MMP26: variants seen among roughly 807,000 people sequenced by gnomAD.
MMP26 encodes the protein matrix metalloproteinase-26.
A neutral mutation model predicts 31.0 loss-of-function variants in MMP26; 33 were observed. The ratio of observed to expected loss-of-function variants is 1.06; its 90% CI spans 0.81 to 1.42. MMP26 has a LOEUF of 1.42. MMP26 is among the 40% of genes most tolerant of loss of function. MMP26 has a pLI of 0.00. For missense variants in MMP26, 347 were observed against 316.1 expected, an observed-to-expected ratio of 1.10 and a Z score of -0.74; for synonymous variants, 122 against 114.9, an observed-to-expected ratio of 1.06 and a Z score of -0.40.
At chr11:4,942,089 C>CAAAAAAAAAAA (rs201626472) in intron 2 of MMP26, among the ~76,000 whole-genome samples, 5 of 37,122 alleles carry the variant, frequency 1.3e-4, no homozygotes, top group Middle Eastern at 0.012. Flanking sequence ...GAGTCCATCT[C>CAAAAAAAAAAA]AAAAAAAAAA....
At chr11:4,882,536 G>T (rs139706082) in intron 2 of MMP26, 2 of 1,613,812 alleles carry the variant, frequency 1.2e-6, no homozygotes, top group South Asian at 1.1e-5. Flanking sequence ...TGGCACTGAC[G>T]TATTGTTTAT....
In MMP26 at chr11:4,726,739, C is replaced by T. The variant is rs779228430; in HGVS notation, c.-217+21694C>T. On this transcript the variant is annotated intron_variant, in intron 1 of 7. Coordinates refer to ENST00000380390, the MANE Select transcript of MMP26 (RefSeq NM_021801.5). ...TAGGACTTTTTGGCCCAGGGTGGTG[C>T]TTCACGCTTGTAATCCCAGCACTTT... Among the ~76,000 whole-genome samples, 9 of 151,984 alleles carry T rather than the reference C, an allele frequency of 5.9e-5. No individual in the cohort carries two copies. The East Asian group carries it at 1.8e-3, about 30-fold the overall frequency.
chr11:4,975,789 T>C (rs1318901967), intron 2 of MMP26, among the ~76,000 whole-genome samples: 2 of 151,992 alleles, frequency 1.3e-5, no homozygotes, highest in Non-Finnish European at 2.9e-5. Flanking sequence ...TCCCAAATGT[T>C]CTCTAGCGAA....
chr11:4,804,800 A>AAAAC (rs1181631263), intron 2 of MMP26, among the ~76,000 whole-genome samples: 5 of 140,252 alleles, frequency 3.6e-5, no homozygotes, highest in African/African-American at 1.1e-4. Flanking sequence ...CAAAAACAAA[A>AAAAC]CAAAACAAAA....
intron 2 of MMP26, among the ~76,000 whole-genome samples, chr11:4,962,002 T>C (rs1181334250): frequency 2.6e-5 from 4 of 152,198 alleles, no homozygotes; most frequent in Admixed American, 2.0e-4. Context: ...CCTGTTTTTT[T>C]CTGCTGCTTG....
At chr11:4,814,463 A>G (rs987796615) in intron 2 of MMP26, among the ~76,000 whole-genome samples, 7 of 152,322 alleles carry the variant, frequency 4.6e-5, no homozygotes, top group Middle Eastern at 3.4e-3. Context: ...GTAGTGTGGA[A>G]GTATGAAGCG....
intron 2 of MMP26, among the ~76,000 whole-genome samples, chr11:4,927,735 G>C (rs1217902278): frequency 6.6e-6 from 1 of 152,098 alleles, no homozygotes; most frequent in Non-Finnish European, 1.5e-5. Flanking sequence ...TTAGACTCAA[G>C]GTCTTTTTGA....
At chr11:4,729,570 A>T (rs938654449) in intron 1 of MMP26, among the ~76,000 whole-genome samples, 3 of 152,192 alleles carry the variant, frequency 2.0e-5, no homozygotes, top group Non-Finnish European at 4.4e-5. Context: ...TGAGATAGCT[A>T]GCCTGCAAGG....
intron 1 of MMP26, among the ~76,000 whole-genome samples, chr11:4,738,887 G>T (rs1848277111): frequency 6.6e-6 from 1 of 152,014 alleles, no homozygotes; most frequent in Non-Finnish European, 1.5e-5. Context: ...TTTATATAAA[G>T]AAATAATTCT....
At position 4,925,962 on chromosome 11, in the gene MMP26, C is replaced by A. The variant is rs759157181; in HGVS notation, c.-144-62106C>A. 1.2e-4 allele frequency among the ~76,000 whole-genome samples: 19 copies of A among 152,112 alleles called. 1 individual carries two copies. The South Asian group carries it at 3.7e-3, about 30-fold the overall frequency. ...AAAAAGTTTATATTCTGTGCCATTT[C>A]CCTCTGAGAGAAAATCTACAGATGG... On this transcript the variant is annotated intron_variant, in intron 2 of 7. Coordinates refer to ENST00000380390, the MANE Select transcript of MMP26 (RefSeq NM_021801.5).
intron 2 of MMP26, chr11:4,787,256 T>G (rs1010324020): frequency 6.6e-6 from 1 of 152,336 alleles, no homozygotes; most frequent in Non-Finnish European, 1.5e-5. Context: ...ATTAAGAGAC[T>G]GTCATTTTGC....
intron 2 of MMP26, among the ~76,000 whole-genome samples, chr11:4,891,001 A>AATAATG (rs1418432496): frequency 1.2e-3 from 181 of 147,036 alleles, no homozygotes; most frequent in African/African-American, 4.0e-3. Context: ...TAATAATAAT[A>AATAATG]ATAATAATAA....
chr11:4,922,760 A>G (rs1014608101), intron 2 of MMP26, among the ~76,000 whole-genome samples: 2 of 152,132 alleles, frequency 1.3e-5, no homozygotes, highest in African/African-American at 4.8e-5. Flanking sequence ...TCTTTTGAGG[A>G]TTATCCATGC....
chr11:4,932,220 A>T (rs767248811), intron 2 of MMP26, among the ~76,000 whole-genome samples: 1 of 152,084 alleles, frequency 6.6e-6, no homozygotes, highest in East Asian at 1.9e-4. Context: ...ATTAAACTAA[A>T]TAATCATTCT....
At chr11:4,888,909 T>C (rs1172451681) in intron 2 of MMP26, among the ~76,000 whole-genome samples, 1 of 152,198 alleles carries the variant, frequency 6.6e-6, no homozygotes, top group African/African-American at 2.4e-5. Context: ...AACCAGCAAC[T>C]GGATTGGGGT....
chr11:4,708,828 A>G (rs960726694), intron 1 of MMP26, among the ~76,000 whole-genome samples: 7 of 152,206 alleles, frequency 4.6e-5, no homozygotes, highest in African/African-American at 1.7e-4. Context: ...TGACTTTCCA[A>G]TGAATTCCTT....
At chr11:4,924,913 C>T (rs1347926607) in intron 2 of MMP26, among the ~76,000 whole-genome samples, 1 of 152,156 alleles carries the variant, frequency 6.6e-6, no homozygotes, top group African/African-American at 2.4e-5. Flanking sequence ...AATATCTGAA[C>T]TGAGTTCTCC....
intron 2 of MMP26, among the ~76,000 whole-genome samples, chr11:4,793,087 G>A (rs1046224711): frequency 2.6e-5 from 4 of 152,070 alleles, no homozygotes; most frequent in South Asian, 4.2e-4. Context: ...TTGAATGGGC[G>A]GGTGTGTTTA....
At chr11:4,742,442 G>C (rs1848327260) in intron 1 of MMP26, among the ~76,000 whole-genome samples, 1 of 152,132 alleles carries the variant, frequency 6.6e-6, no homozygotes, top group African/African-American at 2.4e-5. Context: ...GGCATGAGGG[G>C]AGGGGTATGA....
Sources: gnomAD v4.1 joint callset for allele counts (sites outside exome capture counted in the v4.1 genomes callset) on GRCh38, gnomAD v4.1.1 for gene constraint, MANE v1.5 for transcripts, NCBI Gene and HGNC (gene_info 2026-07-23, HGNC 2026-07-21) for gene names.